The following TRIP4 variants were observed in gnomAD, a reference collection of about 807,000 sequenced individuals.
TRIP4 encodes activating signal cointegrator 1.
In TRIP4, 54 loss-of-function variants were observed where a neutral mutation model predicts 81.8. The observed-to-expected ratio is 0.66, with a 90% CI of 0.53 to 0.83. The LOEUF is 0.83. Among genes scored for constraint, TRIP4 ranks in the 40% least tolerant of loss-of-function variants. TRIP4 has a pLI of 0.00. For missense variants in TRIP4, 662 were observed against 683.6 expected (o/e 0.97, Z 0.35); for synonymous variants, 270 against 242.8 (o/e 1.11, Z -1.04).
At chr15:64,417,335 A>C (rs920462531) in intron 8 of TRIP4, among the ~76,000 whole-genome samples, 1 of 151,990 alleles carries the variant, frequency 6.6e-6, no homozygotes, top group African/African-American at 2.4e-5. Flanking sequence ...TTAAAGACAC[A>C]GGACCTCACC....
At position 64,395,458 on chromosome 15, in the gene TRIP4, A is replaced by G; in HGVS notation, c.332A>G (p.Asn111Ser). The change falls in exon 3 of 13, where the codon AAC becomes AGC. Residue 111 changes from asparagine to serine, a missense_variant. Transcript: ENST00000261884. ...AAGCGGGGTAGGAAGAAAGGGAGAAACAGACAGGAAGTTCCTGCATTTACT... is the reference window on the plus strand; with the variant it reads ...AAGCGGGGTAGGAAGAAAGGGAGAAGCAGACAGGAAGTTCCTGCATTTACT... Reference protein sequence around the residue: ...HLKRGRKKGRNRQEVPAFTEP... With the variant: ...HLKRGRKKGRSRQEVPAFTEP... 1 of 1,613,998 alleles carries G rather than the reference A, an allele frequency of 6.2e-7. No homozygotes were observed. The highest frequency in any genetic ancestry group is 8.5e-7 in the Non-Finnish European group (1 of 1,179,966).
chr15:64,424,133 A>G lies in TRIP4; in HGVS notation c.1461A>G (p.Thr487=), dbSNP rs1345255772. 3.7e-6 allele frequency: 6 copies of G among 1,613,998 alleles called. No homozygotes were observed. Among genetic ancestry groups the G allele is most frequent in the Non-Finnish European group, 5.1e-6 (6 of 1,179,972 alleles). The part of the protein sequence containing the change: ...SPQEVSELQA[T]YRLLRGKDVE... ...AAGAAGTCTCAGAACTCCAGGCTAC[A>G]TATCGTCTTCTTCGTGGGAAAGGTA... Residue 487 remains threonine (T), a synonymous_variant, in exon 10 of 13, where the codon ACA becomes ACG. Transcript: ENST00000261884.
At chr15:64,418,948 T>C (rs1295712499) in intron 9 of TRIP4, among the ~76,000 whole-genome samples, 2 of 152,152 alleles carry the variant, frequency 1.3e-5, no homozygotes, top group Admixed American at 6.5e-5. Context: ...TAGTAGTTTT[T>C]GTACTGAATA....
intron 11 of TRIP4, among the ~76,000 whole-genome samples, chr15:64,426,721 A>T (rs1359271569): frequency 1.7e-5 from 2 of 115,846 alleles, no homozygotes; most frequent in Non-Finnish European, 3.7e-5. Context: ...AAAAAAAAAG[A>T]TGGGCATGGT....
At chr15:64,440,084 TA>T (rs911713992) in intron 11 of TRIP4, among the ~76,000 whole-genome samples, 145 of 151,620 alleles carry the variant, frequency 9.6e-4, no homozygotes, top group African/African-American at 3.4e-3. Flanking sequence ...TTTAGTCCTC[TA>T]AAAAAAATAA....
intron 12 of TRIP4, among the ~76,000 whole-genome samples, chr15:64,453,920 G>A (rs1255991851): frequency 6.6e-6 from 1 of 152,192 alleles, no homozygotes; most frequent in Non-Finnish European, 1.5e-5. Flanking sequence ...CAGAGAAATT[G>A]AATGACTCGC....
intron 11 of TRIP4, among the ~76,000 whole-genome samples, chr15:64,431,651 A>G (rs751684084): frequency 4.6e-5 from 7 of 151,560 alleles, no homozygotes; most frequent in Non-Finnish European, 8.8e-5. Context: ...GGTTGCAGTG[A>G]GCAGAGATTG....
rs530858813 is a variant in TRIP4, at chr15:64,396,392, T to C, written c.405+861T>C. On this transcript the variant is annotated intron_variant, in intron 3 of 12. Transcript: ENST00000261884. ...CCCTGGTTCAAACGATTCTCCTGCC[T>C]CAGTCTCCCAAGTAGCTGTGATTAC... Among the ~76,000 whole-genome samples, 272 of 147,226 alleles carry C rather than the reference T, an allele frequency of 1.8e-3. 1 individual carries two copies. Among genetic ancestry groups the C allele is most frequent in the African/African-American group, 6.5e-3 (258 of 39,804 alleles).
Position 64,422,990 on chromosome 15 carries a change from G to C in TRIP4, c.1359-1041G>C, listed in dbSNP as rs547107250. ...TTTCCATTATAAGAATGGGATAAGAGGGATATATTATCAAGGTACTTTATT... is the reference window on the plus strand; with the variant it reads ...TTTCCATTATAAGAATGGGATAAGACGGATATATTATCAAGGTACTTTATT... On this transcript the variant is annotated intron_variant, in intron 9 of 12. Coordinates refer to ENST00000261884, the MANE Select transcript of TRIP4 (RefSeq NM_016213.5). Among the ~76,000 whole-genome samples the C allele has an allele frequency of 2.3e-3, 346 of 152,282 alleles. 1 individual carries two copies. The highest frequency in any genetic ancestry group is 3.5e-3 in the Non-Finnish European group (237 of 68,016).
chr15:64,449,866 A>G lies in TRIP4; in HGVS notation c.1678+4758A>G, dbSNP rs115931260. On this transcript the variant is annotated intron_variant, in intron 12 of 12. Coordinates refer to ENST00000261884, the MANE Select transcript of TRIP4 (RefSeq NM_016213.5). ...TGCAAACCATGTGAAAATTCCTATG[A>G]GAGTTATATCAATTAATGACAAATA... Among the ~76,000 whole-genome samples, 1,353 of 152,320 alleles carry G rather than the reference A, an allele frequency of 8.9e-3. 22 individuals carry two copies. The highest frequency in any genetic ancestry group is 0.031 in the African/African-American group (1,298 of 41,556).
At chr15:64,414,354 C>A in intron 8 of TRIP4, 143 bp downstream of exon 8, 1 of 1,095,032 alleles carries the variant, frequency 9.1e-7, no homozygotes, top group Non-Finnish European at 1.3e-6. Context: ...ACACACCTGC[C>A]AACCTTATTC....
chr15:64,394,185 A>ATTT, intron 2 of TRIP4, 70 bp downstream of exon 2: 1 of 1,057,338 alleles, frequency 9.5e-7, no homozygotes, highest in Non-Finnish European at 1.3e-6. Context: ...TATTATTATT[A>ATTT]TTTTTTTTTT....
intron 1 of TRIP4, chr15:64,393,728 G>A (rs1363865275): frequency 2.9e-6 from 1 of 347,538 alleles, no homozygotes; most frequent in Non-Finnish European, 5.1e-6. Flanking sequence ...TCGTTTTGGT[G>A]TATAACGTTG....
chr15:64,444,981 AACTTTTTATTTTTAT>A lies in TRIP4; in HGVS notation c.1576-23_1576-9del. On this transcript the variant is annotated splice_polypyrimidine_tract_variant and intron_variant, in intron 11 of 12. Transcript: ENST00000261884. ...TTCAAAGCTTGTCCCAACTATCCTGAACTTTTTATTTTTATATTTCACAGTTTCCAGACATCAGTC... is the reference window on the plus strand; with the variant it reads ...TTCAAAGCTTGTCCCAACTATCCTGAATTTCACAGTTTCCAGACATCAGTC... 7.6e-7 allele frequency: 1 copy of A among 1,317,626 alleles called. No individual in the cohort carries two copies. Among genetic ancestry groups the A allele is most frequent in the South Asian group, 1.3e-5 (1 of 79,660 alleles). 81.6% of individuals were successfully genotyped at this position (1,317,626 alleles called of 1,614,324 possible).
chr15:64,450,598 A>G (rs1408182184), intron 12 of TRIP4: 1 of 451,272 alleles, frequency 2.2e-6, no homozygotes, highest in Non-Finnish European at 4.5e-6. Context: ...GTTAGACGTT[A>G]AGGATACAAA....
intron 11 of TRIP4, among the ~76,000 whole-genome samples, chr15:64,431,650 G>A (rs1375481969): frequency 6.6e-6 from 1 of 151,206 alleles, no homozygotes; most frequent in Non-Finnish European, 1.5e-5. Flanking sequence ...AGGTTGCAGT[G>A]AGCAGAGATT....
At chr15:64,402,228 T>A (rs986260141) in intron 5 of TRIP4, among the ~76,000 whole-genome samples, 4 of 151,702 alleles carry the variant, frequency 2.6e-5, no homozygotes, top group African/African-American at 9.7e-5. Flanking sequence ...TAAGGACATT[T>A]TTTTTTTTTT....
chr15:64,390,408 C>T (rs1167753141), intron 1 of TRIP4, among the ~76,000 whole-genome samples: 2 of 150,816 alleles, frequency 1.3e-5, no homozygotes, highest in African/African-American at 2.4e-5. Context: ...TTGCAGTGAG[C>T]TGATACCGCA....
At chr15:64,453,286 C>T (rs1476706893) in intron 12 of TRIP4, among the ~76,000 whole-genome samples, 1 of 152,230 alleles carries the variant, frequency 6.6e-6, no homozygotes, top group African/African-American at 2.4e-5. Context: ...GAATGGGACT[C>T]ACCTCTGGGT....
Sources: allele counts gnomAD v4.1 joint callset (sites outside exome capture counted in the v4.1 genomes callset), GRCh38; gene constraint gnomAD v4.1.1; transcripts MANE v1.5; gene names NCBI Gene and HGNC (gene_info 2026-07-23, HGNC 2026-07-21).